Variants in TBCK observed in about 807,000 individuals in gnomAD.
The protein encoded by TBCK is TBC1 domain containing kinase.
In TBCK, 99 loss-of-function variants were observed where a neutral mutation model predicts 113.4. That is an observed-to-expected ratio of 0.87 (90% CI 0.74 to 1.03). The LOEUF is 1.03. TBCK is among the 50% of genes least tolerant of loss of function. TBCK has a pLI of 0.00. For synonymous variants in TBCK, 369 were observed against 370.8 expected (o/e 1.00, Z 0.05); for missense variants, 1,045 against 1,061.3 (o/e 0.98, Z 0.21).
chr4:106,086,884 C>G lies in TBCK; in HGVS notation c.2571+8598G>C, dbSNP rs112409866. On this transcript the variant is annotated intron_variant, in intron 25 of 25. Coordinates refer to ENST00000394708, the MANE Select transcript of TBCK (RefSeq NM_001163435.3). ...AAGGCCTTTGATAAAATTCAGCATC[C>G]ATTCATGTTAAAAACTCTCAATAAA... 2.6e-5 allele frequency among the ~76,000 whole-genome samples: 4 copies of G among 152,268 alleles called. 1 individual carries two copies. The highest frequency in any genetic ancestry group is 9.6e-5 in the African/African-American group (4 of 41,560).
At position 106,250,417 on chromosome 4, in the gene TBCK, C is replaced by T. The variant is rs1579395680; in HGVS notation, c.658+1G>A. 5 of 1,557,712 alleles carry T rather than the reference C, an allele frequency of 3.2e-6. No individual in the cohort carries two copies. The highest frequency in any genetic ancestry group is 4.4e-6 in the Non-Finnish European group (5 of 1,138,642). ...AAGATAAGCAATTGTACGACACTTACCCAAAGTAAGCAAAAATTTTAGTCT... is the reference window on the plus strand; with the variant it reads ...AAGATAAGCAATTGTACGACACTTATCCAAAGTAAGCAAAAATTTTAGTCT... On this transcript the variant is annotated splice_donor_variant, in intron 7 of 25. Coordinates refer to ENST00000394708, the MANE Select transcript of TBCK (RefSeq NM_001163435.3). LOFTEE classifies it high-confidence loss of function.
intron 22 of TBCK, among the ~76,000 whole-genome samples, chr4:106,190,827 G>A (rs1273245021): frequency 1.2e-4 from 18 of 151,892 alleles, no homozygotes; most frequent in African/African-American, 3.9e-4. Context: ...TGCAAGCTCC[G>A]CCTCCTGGGT....
chr4:106,047,849 G>A (rs1734384164), intron 25 of TBCK, among the ~76,000 whole-genome samples: 1 of 152,042 alleles, frequency 6.6e-6, no homozygotes, highest in Admixed American at 6.6e-5. Flanking sequence ...CTTTGATAGT[G>A]TCCTATTCCT....
At chr4:106,278,558 CAAAAAAAAAA>C (rs376599844) in intron 3 of TBCK, among the ~76,000 whole-genome samples, 1,143 of 22,146 alleles carry the variant, frequency 0.052, 15 homozygotes, top group Non-Finnish European at 0.073. Flanking sequence ...AACTCTGTCT[CAAAAAAAAAA>C]AAAAAAAAAA....
At chr4:106,316,548 A>C (rs1001991896), upstream of TBCK, 2 of 1,551,422 alleles carry the variant, frequency 1.3e-6, no homozygotes, top group East Asian at 2.4e-5. Flanking sequence ...CTGGACCTAC[A>C]TGCTTCCTGC....
intron 7 of TBCK, among the ~76,000 whole-genome samples, chr4:106,250,010 T>C (rs1025519861): frequency 6.6e-6 from 1 of 152,116 alleles, no homozygotes; most frequent in Non-Finnish European, 1.5e-5. Flanking sequence ...GAGCCTTTTA[T>C]AAGGAAAAAT....
rs1734219352 is a variant in TBCK at position 106,046,412 on chromosome 4, C to T, written c.*158G>A. ...CAAGTTTCTTGCATGGATAACTGAA[C>T]ATGTGGGTTATGAGATTTTAAAAAA... is the stretch of plus-strand genomic sequence containing the variant. On this transcript the variant is annotated 3_prime_UTR_variant, in exon 26 of 26. Coordinates refer to ENST00000394708, the MANE Select transcript of TBCK (RefSeq NM_001163435.3). 3 of 520,168 alleles carry T rather than the reference C, an allele frequency of 5.8e-6. No individual in the cohort carries two copies. The highest frequency in any genetic ancestry group is 3.6e-5 in the Admixed American group (1 of 27,794). 32.2% of individuals were successfully genotyped at this position (520,168 alleles called of 1,614,324 possible).
chr4:106,050,050 G>A (rs531868483), intron 25 of TBCK, among the ~76,000 whole-genome samples: 1 of 152,032 alleles, frequency 6.6e-6, no homozygotes, highest in African/African-American at 2.4e-5. Flanking sequence ...AGAGGCTGCT[G>A]TGTTTGTAGG....
At chr4:106,160,728 G>C (rs1272598324) in intron 23 of TBCK, among the ~76,000 whole-genome samples, 1 of 151,934 alleles carries the variant, frequency 6.6e-6, no homozygotes, top group Non-Finnish European at 1.5e-5. Flanking sequence ...AAAAACTAAA[G>C]ATAGATAACA....
At chr4:106,219,470 T>C (rs1757414543) in intron 19 of TBCK, among the ~76,000 whole-genome samples, 1 of 151,624 alleles carries the variant, frequency 6.6e-6, no homozygotes, top group African/African-American at 2.4e-5. Context: ...AGAGATACGG[T>C]AGGCAATTAA....
intron 23 of TBCK, among the ~76,000 whole-genome samples, chr4:106,144,194 T>C (rs1400837643): frequency 6.6e-6 from 1 of 152,200 alleles, no homozygotes; most frequent in African/African-American, 2.4e-5. Flanking sequence ...GGTGTTTGAA[T>C]TAAATTATGT....
chr4:106,127,345 T>TA (rs1157501900), intron 23 of TBCK, among the ~76,000 whole-genome samples: 15 of 151,820 alleles, frequency 9.9e-5, no homozygotes, highest in African/African-American at 3.6e-4. Context: ...AGACAAATAT[T>TA]AGTGTTGACA....
intron 25 of TBCK, among the ~76,000 whole-genome samples, chr4:106,055,569 CACACACAT>C (rs1270840484): frequency 2.0e-5 from 3 of 151,288 alleles, no homozygotes; most frequent in African/African-American, 2.4e-5. Flanking sequence ...CACACACACA[CACACACAT>C]ATATATAATT....
At chr4:106,283,501 G>C (rs1348351629) in intron 3 of TBCK, among the ~76,000 whole-genome samples, 1 of 152,098 alleles carries the variant, frequency 6.6e-6, no homozygotes, top group East Asian at 1.9e-4. Flanking sequence ...GCTGTACATT[G>C]CACTAAAGAT....
At chr4:106,272,488 A>AT (rs746246379) in intron 3 of TBCK, among the ~76,000 whole-genome samples, 6,728 of 124,570 alleles carry the variant, frequency 0.054, 338 homozygotes, top group Middle Eastern at 0.13. Flanking sequence ...TGTTTATTTA[A>AT]TTTTTTTTTT....
intron 22 of TBCK, among the ~76,000 whole-genome samples, chr4:106,184,436 T>A (rs747102567): frequency 1.4e-4 from 21 of 152,060 alleles, no homozygotes; most frequent in Non-Finnish European, 2.9e-4. Context: ...ATACCCTATG[T>A]ATTAATAATT....
At chr4:106,052,841 T>C (rs1289573886) in intron 25 of TBCK, among the ~76,000 whole-genome samples, 4 of 151,746 alleles carry the variant, frequency 2.6e-5, no homozygotes, top group Admixed American at 1.3e-4. Flanking sequence ...TTGTAACTTG[T>C]AGCTAAATTG....
intron 5 of TBCK, 89 bp downstream of exon 5, chr4:106,260,344 AAAGG>A (rs1173948729): frequency 1.2e-5 from 6 of 502,974 alleles, no homozygotes; most frequent in South Asian, 7.9e-5. Context: ...TGCATATCAA[AAAGG>A]AATATCAAAT....
chr4:106,277,312 T>C (rs1764140073), intron 3 of TBCK, among the ~76,000 whole-genome samples: 1 of 152,142 alleles, frequency 6.6e-6, no homozygotes, highest in South Asian at 2.1e-4. Context: ...ACATGATTAA[T>C]ATCCTATAAC....
Sources: gnomAD v4.1 joint callset for allele counts (sites outside exome capture counted in the v4.1 genomes callset) on GRCh38, gnomAD v4.1.1 for gene constraint, MANE v1.5 for transcripts, NCBI Gene and HGNC (gene_info 2026-07-23, HGNC 2026-07-21) for gene names.